Variants in NRG4 observed in about 807,000 individuals in gnomAD.
The protein encoded by NRG4 is pro-neuregulin-4, membrane-bound isoform.
NRG4 carries 10 observed loss-of-function variants against 15.0 expected under a neutral mutation model. That is an observed-to-expected ratio of 0.67 (90% CI 0.41 to 1.13). NRG4 has a LOEUF of 1.13. Ranked by LOEUF, NRG4 falls within the 50% of genes most tolerant of loss-of-function variation. The probability of loss-of-function intolerance (pLI) is 0.00; values close to 1 mark genes in which losing one functional copy is unlikely to be tolerated. For missense variants in NRG4, 139 were observed against 140.2 expected (o/e 0.99, Z 0.04); for synonymous variants, 41 against 50.1 (o/e 0.82, Z 0.77).
chr15:76,046,113 A>C (rs2035862721), intron 4 of NRG4, among the ~76,000 whole-genome samples: 1 of 150,998 alleles, frequency 6.6e-6, no homozygotes, highest in Non-Finnish European at 1.5e-5. Context: ...TAACTACAAA[A>C]ATATATAAAA....
chr15:75,939,160 A>T (rs1161143243), downstream of NRG4: 3 of 152,132 alleles, frequency 2.0e-5, no homozygotes, highest in Admixed American at 6.5e-5. Flanking sequence ...CAGTGAAACT[A>T]CAAGTTCTTT....
downstream of NRG4, chr15:75,939,608 TA>T (rs1402778521): frequency 3.3e-5 from 5 of 152,198 alleles, no homozygotes; most frequent in African/African-American, 1.2e-4. Flanking sequence ...ACAGACCAGT[TA>T]TTCCTTATGA....
chr15:75,972,467 T>A (rs1360024985), intron 3 of NRG4, among the ~76,000 whole-genome samples: 2 of 152,248 alleles, frequency 1.3e-5, no homozygotes, highest in Admixed American at 1.3e-4. Context: ...CGAATGGTAT[T>A]GCCTAGGTTT....
At chr15:76,058,195 C>T (rs1185662545) in intron 1 of NRG4, among the ~76,000 whole-genome samples, 2 of 152,172 alleles carry the variant, frequency 1.3e-5, no homozygotes, top group South Asian at 2.1e-4. Flanking sequence ...AAAACTATAG[C>T]TCCCCTCCCG....
chr15:76,040,364 C>T (rs1363985344), intron 4 of NRG4, among the ~76,000 whole-genome samples: 1 of 152,020 alleles, frequency 6.6e-6, no homozygotes, highest in African/African-American at 2.4e-5. Context: ...AAAGATTCTC[C>T]CAGACAAGCA....
In NRG4 at chr15:75,955,974, C is replaced by T. The variant is rs1270574152; in HGVS notation, c.289G>A (p.Asp97Asn). 16 of 1,612,050 alleles carry T rather than the reference C, an allele frequency of 9.9e-6. No individual in the cohort carries two copies. The highest frequency in any genetic ancestry group is 1.2e-5 in the Non-Finnish European group (14 of 1,178,300). Reference sequence around the variant, plus strand: ...CTGCTCGTCTCTACCAGGTTGATATCATACTGGACTGAACTGGCTCTCTGA... The same window carrying T: ...CTGCTCGTCTCTACCAGGTTGATATTATACTGGACTGAACTGGCTCTCTGA... ...HFQRASSVQY[D>N]INLVETSSTS... Residue 97 changes from aspartate to asparagine, a missense_variant, in exon 5 of 6, where the codon GAT becomes AAT. Asp to Asn is a conservative substitution (Grantham distance 23). Coordinates refer to ENST00000394907, the MANE Select transcript of NRG4 (RefSeq NM_138573.4).
At chr15:75,960,461 T>C (rs1311973402) in intron 4 of NRG4, among the ~76,000 whole-genome samples, 1 of 152,196 alleles carries the variant, frequency 6.6e-6, no homozygotes. Context: ...TTGGGCTCTC[T>C]GTGTAGCTGC....
At chr15:75,976,970 A>T (rs2033394189) in intron 3 of NRG4, among the ~76,000 whole-genome samples, 1 of 152,024 alleles carries the variant, frequency 6.6e-6, no homozygotes, top group Non-Finnish European at 1.5e-5. Context: ...GGCAGATAGG[A>T]GTTTTATCTG....
intron 5 of NRG4, 102 bp downstream of exon 5, chr15:75,955,830 C>A: frequency 5.4e-6 from 3 of 555,218 alleles, no homozygotes; most frequent in Non-Finnish European, 9.0e-6. Flanking sequence ...AGTTTAGGCT[C>A]AACCTTTTTT....
intron 3 of NRG4, among the ~76,000 whole-genome samples, chr15:75,983,178 C>CA (rs1363659428): frequency 6.6e-6 from 1 of 152,024 alleles, no homozygotes. Flanking sequence ...AACAAACAGA[C>CA]AAGAATCAAG....
exon 4 of NRG4, chr15:76,052,137 G>T (rs1157885005): frequency 6.6e-6 from 1 of 150,732 alleles, no homozygotes; most frequent in Non-Finnish European, 1.5e-5. Flanking sequence ...CTCTTTTATG[G>T]TTCACCACTA....
chr15:76,018,448 C>T (rs1304327345), intron 5 of NRG4, among the ~76,000 whole-genome samples: 1 of 152,172 alleles, frequency 6.6e-6, no homozygotes, highest in East Asian at 1.9e-4. Context: ...GCTGGTTTTT[C>T]CTCATCTTCG....
intron 5 of NRG4, among the ~76,000 whole-genome samples, chr15:75,951,534 T>A (rs2031904475): frequency 6.6e-6 from 1 of 152,228 alleles, no homozygotes; most frequent in African/African-American, 2.4e-5. Flanking sequence ...TAATGTATAT[T>A]TCTTGCAGAT....
At chr15:75,945,201 A>C (rs1276248956) in intron 5 of NRG4, among the ~76,000 whole-genome samples, 1 of 152,050 alleles carries the variant, frequency 6.6e-6, no homozygotes, top group Non-Finnish European at 1.5e-5. Flanking sequence ...TAACCTTTCC[A>C]GTTAACACCA....
intron 4 of NRG4, among the ~76,000 whole-genome samples, chr15:76,043,007 C>T (rs2035782849): frequency 6.6e-6 from 1 of 152,106 alleles, no homozygotes; most frequent in Middle Eastern, 3.4e-3. Flanking sequence ...TCAACATACA[C>T]AAATCAATGT....
intron 3 of NRG4, among the ~76,000 whole-genome samples, chr15:76,000,240 T>C (rs139431911): frequency 6.6e-6 from 1 of 152,064 alleles, no homozygotes; most frequent in Non-Finnish European, 1.5e-5. Flanking sequence ...AAAAAATTGA[T>C]AGATTTGACT....
intron 3 of NRG4, among the ~76,000 whole-genome samples, chr15:75,968,826 AGTTT>A (rs2032955140): frequency 6.6e-6 from 1 of 152,162 alleles, no homozygotes; most frequent in South Asian, 2.1e-4. Context: ...TGTTTTTCTT[AGTTT>A]ATTATTTTAT....
chr15:76,055,048 G>A (rs1401302624), intron 2 of NRG4, among the ~76,000 whole-genome samples: 1 of 152,216 alleles, frequency 6.6e-6, no homozygotes, highest in East Asian at 1.9e-4. Flanking sequence ...GGGAGGCTGA[G>A]GTGGGTAGAT....
At chr15:75,936,153 T>G (rs1448129925), downstream of NRG4, 1 of 152,214 alleles carries the variant, frequency 6.6e-6, no homozygotes, top group Admixed American at 6.5e-5. Context: ...TTTTGTCATT[T>G]TATACCCAGT....
Sources: gnomAD v4.1 joint callset for allele counts (sites outside exome capture counted in the v4.1 genomes callset) on GRCh38, gnomAD v4.1.1 for gene constraint, MANE v1.5 for transcripts, NCBI Gene and HGNC (gene_info 2026-07-23, HGNC 2026-07-21) for gene names.